ART3: variants seen among roughly 807,000 people sequenced by gnomAD.
ART3 encodes ecto-ADP-ribosyltransferase 3.
ART3 carries 49 observed loss-of-function variants against 48.5 expected under a neutral mutation model. The ratio of observed to expected loss-of-function variants is 1.01; its 90% CI spans 0.80 to 1.28. The LOEUF (loss-of-function observed/expected upper bound fraction) is 1.28. Ranked by LOEUF, ART3 falls within the 50% of genes most tolerant of loss-of-function variation. The pLI, the probability that ART3 is intolerant of heterozygous loss-of-function variation, is 0.00. For synonymous variants in ART3, 145 were observed against 157.2 expected (o/e 0.92, Z 0.58); for missense variants, 438 against 454.3 (o/e 0.96, Z 0.33).
intron 1 of ART3, among the ~76,000 whole-genome samples, chr4:76,064,069 A>G (rs1719479423): frequency 6.6e-6 from 1 of 152,224 alleles, no homozygotes; most frequent in Admixed American, 6.5e-5. Flanking sequence ...AGTACAAGAA[A>G]TGGAAAAAGT....
chr4:76,103,929 G>A lies in ART3; in HGVS notation c.938-8G>A. On this transcript the variant is annotated splice_region_variant and splice_polypyrimidine_tract_variant and intron_variant, in intron 8 of 11. Coordinates refer to ENST00000355810, the MANE Select transcript of ART3 (RefSeq NM_001130016.3). ...TTAATACAAACCAATATTTATTTCT[G>A]CCTTTAGGTGTGAAAATCCTTGAAC... The A allele has an allele frequency of 6.2e-7, 1 of 1,606,864 alleles. No homozygotes were observed. The highest frequency in any genetic ancestry group is 8.5e-7 in the Non-Finnish European group (1 of 1,176,582).
intron 7 of ART3, 56 bp from the exon 8 acceptor site, chr4:76,100,934 A>G (rs1023054244): frequency 6.2e-7 from 1 of 1,607,360 alleles, no homozygotes; most frequent in Non-Finnish European, 8.5e-7. Flanking sequence ...AGCTATAGTA[A>G]CTGCCAATTC....
intron 1 of ART3, among the ~76,000 whole-genome samples, chr4:76,054,147 G>A: frequency 6.6e-6 from 1 of 152,176 alleles, no homozygotes; most frequent in Non-Finnish European, 1.5e-5. Flanking sequence ...AGAGAAGCTG[G>A]AGGAGAGGAG....
chr4:76,096,533 A>G (rs776793370), intron 3 of ART3, among the ~76,000 whole-genome samples: 31 of 152,346 alleles, frequency 2.0e-4, no homozygotes, highest in African/African-American at 3.6e-4. Context: ...TTCGCCAGGT[A>G]TGAAGTAGAG....
In ART3 at chr4:76,012,907, G is replaced by GA. The variant is rs373127308; in HGVS notation, c.-10+1593dup. Among the ~76,000 whole-genome samples, 197 of 152,224 alleles carry GA rather than the reference G, an allele frequency of 1.3e-3. 3 individuals are homozygous for GA. Among genetic ancestry groups the GA allele is most frequent in the African/African-American group, 4.4e-3 (182 of 41,540 alleles). ...ATTGCATATGTAAGTAATTTTACAA[G>GA]AAAAAATCCACATTCTTAAAAATCT... is the stretch of plus-strand genomic sequence containing the variant. On this transcript the variant is annotated intron_variant, in intron 1 of 9. Coordinates refer to the ART3 transcript ENST00000341029.
intron 1 of ART3, among the ~76,000 whole-genome samples, chr4:76,065,023 G>A (rs541631868): frequency 0.025 from 3,843 of 152,020 alleles, 150 homozygotes; most frequent in African/African-American, 0.085. Flanking sequence ...GTAGAGACGA[G>A]GTTTCACCAT....
intron 1 of ART3, chr4:76,021,622 A>G: frequency 2.9e-6 from 1 of 342,698 alleles, no homozygotes. Context: ...CCCTTGGAAG[A>G]TGGGAAAGGT....
intron 10 of ART3, 91 bp downstream of exon 10, chr4:76,104,720 A>T: frequency 7.0e-7 from 1 of 1,431,738 alleles, no homozygotes; most frequent in Admixed American, 2.0e-5. Context: ...TATGCCTCAT[A>T]ATTGTCATCT....
chr4:76,104,079 T>C (rs1171006728), intron 9 of ART3, 110 bp downstream of exon 9: 12 of 1,206,610 alleles, frequency 9.9e-6, no homozygotes, highest in African/African-American at 3.1e-5. Context: ...ATTTCCCTTA[T>C]AGCTACCTGC....
chr4:76,111,541 G>GTTTATTTA (rs34431731), intron 11 of ART3, among the ~76,000 whole-genome samples: 6 of 151,092 alleles, frequency 4.0e-5, no homozygotes, highest in East Asian at 2.0e-4. Context: ...TAAAAATACA[G>GTTTATTTA]TTTATTTATT....
At chr4:76,032,437 G>T (rs1031310559) in intron 1 of ART3, among the ~76,000 whole-genome samples, 4 of 151,780 alleles carry the variant, frequency 2.6e-5, no homozygotes, top group African/African-American at 9.7e-5. Flanking sequence ...GAACTCCTGG[G>T]CTTAAGCCAT....
chr4:76,019,327 A>G (rs1349006344), intron 1 of ART3, among the ~76,000 whole-genome samples: 2 of 151,120 alleles, frequency 1.3e-5, no homozygotes, highest in Non-Finnish European at 2.9e-5. Context: ...AGTTAGTTTT[A>G]AAATACAGTC....
intron 1 of ART3, among the ~76,000 whole-genome samples, chr4:76,013,207 CAAG>C (rs1429152222): frequency 1.3e-5 from 2 of 152,126 alleles, no homozygotes; most frequent in African/African-American, 4.8e-5. Context: ...GAATTTGTTA[CAAG>C]AAGAAGTTGG....
intron 1 of ART3, among the ~76,000 whole-genome samples, chr4:76,024,928 A>T (rs866490270): frequency 6.6e-6 from 1 of 152,190 alleles, no homozygotes; most frequent in African/African-American, 2.4e-5. Flanking sequence ...TAAAACTTGG[A>T]TCCTCAAATG....
chr4:76,046,094 A>G (rs1735472994), intron 1 of ART3, among the ~76,000 whole-genome samples: 1 of 137,392 alleles, frequency 7.3e-6, no homozygotes, highest in South Asian at 2.4e-4. Context: ...TTGAAGGACC[A>G]GAGTGCCTGG....
chr4:76,109,547 AG>A (rs1560663153), intron 11 of ART3, among the ~76,000 whole-genome samples: 1 of 111,920 alleles, frequency 8.9e-6, no homozygotes, highest in Non-Finnish European at 2.0e-5. Flanking sequence ...ACAGTAACAT[AG>A]TTGTTTATTA....
chr4:76,104,718 A>G lies in ART3; in HGVS notation c.1003+89A>G, dbSNP rs184689649. 5,027 of 1,433,122 alleles carry G rather than the reference A, an allele frequency of 3.5e-3. 60 individuals carry two copies. The highest frequency in any genetic ancestry group is 0.028 in the South Asian group (2,235 of 80,084). 88.8% of individuals were successfully genotyped at this position (1,433,122 alleles called of 1,614,324 possible). ...ATATGCATGGGACTTTCTATGCCTC[A>G]TAATTGTCATCTATCAAATGTAGCC... is the stretch of plus-strand genomic sequence containing the variant. On this transcript the variant is annotated intron_variant, in intron 10 of 11. Transcript: ENST00000355810.
chr4:76,041,379 T>A (rs1210871464), intron 1 of ART3: 1 of 152,250 alleles, frequency 6.6e-6, no homozygotes, highest in Admixed American at 6.5e-5. Flanking sequence ...TCCTCTCCTC[T>A]TTTGAATCCT....
intron 1 of ART3, among the ~76,000 whole-genome samples, chr4:76,045,319 G>A (rs974744768): frequency 9.2e-5 from 14 of 152,108 alleles, no homozygotes; most frequent in Middle Eastern, 3.4e-3. Context: ...GGCCACGCAC[G>A]TGCATATTTT....
Sources: allele counts gnomAD v4.1 joint callset (sites outside exome capture counted in the v4.1 genomes callset), GRCh38; gene constraint gnomAD v4.1.1; transcripts MANE v1.5; gene names NCBI Gene and HGNC (gene_info 2026-07-23, HGNC 2026-07-21).